LUZP2: variants seen among roughly 807,000 people sequenced by gnomAD.
The protein encoded by LUZP2 is leucine zipper protein 2.
Under a neutral mutation model 51.6 loss-of-function variants are expected in LUZP2, and 52 were observed. That is an observed-to-expected ratio of 1.01 (90% CI 0.81 to 1.27). The LOEUF (loss-of-function observed/expected upper bound fraction) is 1.27, where lower values mean the gene tolerates loss of function less well. Among genes scored for constraint, LUZP2 ranks in the 50% most tolerant of loss-of-function variants. LUZP2 has a pLI of 0.00. For synonymous variants in LUZP2, 154 were observed against 137.3 expected, an observed-to-expected ratio of 1.12 and a Z score of -0.85; for missense variants, 436 against 395.4, an observed-to-expected ratio of 1.10 and a Z score of -0.87.
At chr11:24,868,326 G>A (rs1851957750) in intron 5 of LUZP2, among the ~76,000 whole-genome samples, 1 of 143,682 alleles carries the variant, frequency 7.0e-6, no homozygotes, top group African/African-American at 2.6e-5. Context: ...TCATTCCTGT[G>A]TTCTTCCTAC....
chr11:24,934,524 CT>C (rs1410856189), intron 7 of LUZP2, among the ~76,000 whole-genome samples: 1 of 151,924 alleles, frequency 6.6e-6, no homozygotes, highest in Non-Finnish European at 1.5e-5. Flanking sequence ...ATTATTATAA[CT>C]TTAATAACAT....
intron 1 of LUZP2, among the ~76,000 whole-genome samples, chr11:24,698,715 G>A (rs928058779): frequency 1.3e-5 from 2 of 152,062 alleles, no homozygotes; most frequent in African/African-American, 4.8e-5. Context: ...GCAACTTGAT[G>A]CAGTTTTCTG....
chr11:24,602,158 GTATATATGTGTA>G lies in LUZP2; in HGVS notation c.62+104871_62+104882del, dbSNP rs1430424517. Among the ~76,000 whole-genome samples the G allele has an allele frequency of 1.2e-4, 15 of 122,990 alleles. 1 individual carries two copies. The highest frequency in any genetic ancestry group is 2.5e-4 in the South Asian group (1 of 4,066). 80.7% of individuals were successfully genotyped at this position (122,990 alleles called of 152,430 possible). The stretch of plus-strand genomic sequence containing the variant: ...TGTATATATGTATATATGTATATAT[GTATATATGTGTA>G]TATATATGTGTATATATGTATATAT... On this transcript the variant is annotated intron_variant, in intron 1 of 11. Transcript: ENST00000336930.
At chr11:24,995,923 CT>C (rs1363823057) in intron 9 of LUZP2, among the ~76,000 whole-genome samples, 1 of 151,274 alleles carries the variant, frequency 6.6e-6, no homozygotes, top group Non-Finnish European at 1.5e-5. Flanking sequence ...ATGACCCAAT[CT>C]TTTTTTTCTA....
At chr11:24,793,291 G>T (rs1386251) in intron 5 of LUZP2, among the ~76,000 whole-genome samples, 141,501 of 152,180 alleles carry the variant, frequency 0.93, 66,513 homozygotes, top group Non-Finnish European at 1. Context: ...AAATGATATG[G>T]TTATTTGATG....
chr11:24,993,086 T>A (rs1034365484), intron 9 of LUZP2, among the ~76,000 whole-genome samples: 1 of 152,298 alleles, frequency 6.6e-6, no homozygotes, highest in East Asian at 1.9e-4. Flanking sequence ...ATTATCTGAA[T>A]TTTCAGGGAA....
chr11:24,600,527 T>C (rs1362090238), intron 1 of LUZP2, among the ~76,000 whole-genome samples: 1 of 152,154 alleles, frequency 6.6e-6, no homozygotes, highest in Non-Finnish European at 1.5e-5. Flanking sequence ...GGTTATTTCA[T>C]AGAGAGGAAA....
chr11:25,049,778 A>G (rs1324172098), intron 9 of LUZP2, among the ~76,000 whole-genome samples: 1 of 152,130 alleles, frequency 6.6e-6, no homozygotes, highest in African/African-American at 2.4e-5. Flanking sequence ...TATTTTCAGT[A>G]AGAAAATAAT....
intron 10 of LUZP2, among the ~76,000 whole-genome samples, chr11:25,061,782 A>C (rs1858845194): frequency 6.6e-6 from 1 of 152,134 alleles, no homozygotes; most frequent in African/African-American, 2.4e-5. Context: ...AATTTATTAC[A>C]TCTCTATCCA....
At chr11:24,571,825 A>T (rs1030976928) in intron 1 of LUZP2, among the ~76,000 whole-genome samples, 25 of 152,178 alleles carry the variant, frequency 1.6e-4, no homozygotes, top group African/African-American at 5.3e-4. Flanking sequence ...GGCTTTATCC[A>T]CCTATTTACT....
intron 5 of LUZP2, among the ~76,000 whole-genome samples, chr11:24,834,144 G>C (rs187623102): frequency 6.6e-6 from 1 of 151,598 alleles, no homozygotes; most frequent in Non-Finnish European, 1.5e-5. Context: ...TTTTTACATA[G>C]GTATACATGT....
intron 1 of LUZP2, among the ~76,000 whole-genome samples, chr11:24,674,612 T>C (rs913895105): frequency 1.3e-5 from 2 of 152,196 alleles, no homozygotes; most frequent in African/African-American, 4.8e-5. Flanking sequence ...AGTTCATATT[T>C]AAAGAAGGTC....
chr11:24,995,254 G>A (rs10834568), intron 9 of LUZP2, among the ~76,000 whole-genome samples: 71,943 of 151,792 alleles, frequency 0.47, 17,464 homozygotes, highest in Non-Finnish European at 0.51. Context: ...TTAGCTGGGC[G>A]TGGTGGTACA....
At chr11:24,962,566 A>T (rs11028303) in intron 7 of LUZP2, among the ~76,000 whole-genome samples, 1,534 of 152,252 alleles carry the variant, frequency 0.01, 29 homozygotes, top group African/African-American at 0.035. Flanking sequence ...TCGGCTCCTG[A>T]GGCTTCTGCA....
At chr11:24,948,109 T>C (rs536060291) in intron 7 of LUZP2, among the ~76,000 whole-genome samples, 2 of 151,986 alleles carry the variant, frequency 1.3e-5, no homozygotes, top group Admixed American at 6.6e-5. Context: ...TTTTTCTTAA[T>C]TCTTTTTTCT....
chr11:24,845,971 G>A (rs1851186617), intron 5 of LUZP2, among the ~76,000 whole-genome samples: 2 of 152,008 alleles, frequency 1.3e-5, no homozygotes, highest in South Asian at 4.1e-4. Flanking sequence ...TACTTAACAT[G>A]CTATAATATA....
At chr11:24,670,945 A>G (rs543874797) in intron 1 of LUZP2, among the ~76,000 whole-genome samples, 271 of 151,984 alleles carry the variant, frequency 1.8e-3, no homozygotes, top group Non-Finnish European at 2.7e-3. Flanking sequence ...ATAGTTTCAT[A>G]CTGCATTTTC....
intron 11 of LUZP2, 120 bp downstream of exon 11, chr11:25,077,526 GTC>G (rs921705539): frequency 3.3e-6 from 1 of 300,106 alleles, no homozygotes; most frequent in African/African-American, 2.3e-5. Context: ...TTGAGACAGA[GTC>G]TTGCTCTATC....
intron 1 of LUZP2, among the ~76,000 whole-genome samples, chr11:24,568,931 A>G (rs1333657353): frequency 6.6e-6 from 1 of 152,060 alleles, no homozygotes; most frequent in Non-Finnish European, 1.5e-5. Flanking sequence ...CCATAATTAG[A>G]ATTAAAAGCA....
Sources: allele counts gnomAD v4.1 joint callset (sites outside exome capture counted in the v4.1 genomes callset), GRCh38; gene constraint gnomAD v4.1.1; transcripts MANE v1.5; gene names NCBI Gene and HGNC (gene_info 2026-07-23, HGNC 2026-07-21).